The following FREM2 variants were observed in gnomAD, a reference collection of about 807,000 sequenced individuals.
FREM2 encodes the protein FRAS1-related extracellular matrix protein 2.
FREM2 carries 119 observed loss-of-function variants against 219.9 expected under a neutral mutation model. The observed-to-expected ratio is 0.54, with a 90% confidence interval of 0.47 to 0.63. The LOEUF (loss-of-function observed/expected upper bound fraction) is 0.63. FREM2 is among the 30% of genes least tolerant of loss of function. The probability of loss-of-function intolerance (pLI) is 0.00; values close to 1 mark genes in which losing one functional copy is unlikely to be tolerated. For synonymous variants in FREM2, 1,562 were observed against 1,522.8 expected (o/e 1.03, Z -0.60); for missense variants, 4,030 against 3,993.6 (o/e 1.01, Z -0.25).
chr13:38,796,209 A>G (rs1188169223), intron 6 of FREM2, among the ~76,000 whole-genome samples: 7 of 152,110 alleles, frequency 4.6e-5, no homozygotes, highest in Non-Finnish European at 1.5e-5. Flanking sequence ...GGAGCTGGAT[A>G]TAGGATACCC....
Position 38,878,404 on chromosome 13 carries a change from G to A in FREM2, c.8859+83G>A, listed in dbSNP as rs891618449. The A allele has an allele frequency of 4.4e-4, 317 of 712,460 alleles. 22 individuals carry two copies. The highest frequency in any genetic ancestry group is 2.1e-3 in the Middle Eastern group (6 of 2,818). The allele number at this position is 712,460 out of a possible 1,614,324, so 44.1% of individuals were successfully genotyped here. A position where few individuals can be genotyped will look rare whatever the true frequency, so the allele number is the denominator to read the frequency against. ...GTCTTATATTTAAAAACAAGGCTGGGCACAGTGGCCACACTATAGTCCCAG... is the reference window on the plus strand; with the variant it reads ...GTCTTATATTTAAAAACAAGGCTGGACACAGTGGCCACACTATAGTCCCAG... On this transcript the variant is annotated intron_variant, in intron 22 of 23. Transcript: ENST00000280481.
At chr13:38,788,299 A>T (rs1236096197) in intron 6 of FREM2, among the ~76,000 whole-genome samples, 1 of 152,144 alleles carries the variant, frequency 6.6e-6, no homozygotes, top group African/African-American at 2.4e-5. Context: ...CTTAATCTTC[A>T]CCCTGAGAGT....
At position 38,754,885 on chromosome 13, in the gene FREM2, TGA is replaced by T. The variant is rs1491403548; in HGVS notation, c.5264-9418_5264-9417del. The stretch of plus-strand genomic sequence containing the variant: ...ATGATGATGATGATGATGATGATGA[TGA>T]TGATGATGATGATGATTATTATTAT... On this transcript the variant is annotated intron_variant, in intron 2 of 23. Coordinates refer to ENST00000280481, the MANE Select transcript of FREM2 (RefSeq NM_207361.6). Among the ~76,000 whole-genome samples, 820 of 100,456 alleles carry T rather than the reference TGA, an allele frequency of 8.2e-3. 12 individuals carry two copies. The highest frequency in any genetic ancestry group is 0.026 in the African/African-American group (732 of 28,442). 65.9% of individuals were successfully genotyped at this position (100,456 alleles called of 152,430 possible). A position where few individuals can be genotyped will look rare whatever the true frequency, so the allele number is the denominator to read the frequency against.
At chr13:38,703,975 T>G (rs932504993) in intron 2 of FREM2, among the ~76,000 whole-genome samples, 2 of 152,188 alleles carry the variant, frequency 1.3e-5, no homozygotes, top group Non-Finnish European at 2.9e-5. Context: ...GTTAATAATT[T>G]GATAGTATCT....
intron 16 of FREM2, among the ~76,000 whole-genome samples, chr13:38,872,119 C>G (rs552122184): frequency 6.6e-6 from 1 of 152,066 alleles, no homozygotes; most frequent in Non-Finnish European, 1.5e-5. Flanking sequence ...AATTCATTAA[C>G]AGGGGAATTA....
At position 38,864,622 on chromosome 13, in the gene FREM2, A is replaced by T. The variant is rs373742782; in HGVS notation, c.7983+16A>T. 1.6e-4 allele frequency: 258 copies of T among 1,608,466 alleles called. No homozygotes were observed. The highest frequency in any genetic ancestry group is 1.5e-4 in the Non-Finnish European group (175 of 1,174,974). ...AGATGGACAGGTACAGATTTATAAC[A>T]TCTGAGTTTGGTCACTGGATAAACC... is the stretch of plus-strand genomic sequence containing the variant. On this transcript the variant is annotated intron_variant, in intron 16 of 23. Transcript: ENST00000280481.
chr13:38,872,994 C>T (rs1878216548), intron 17 of FREM2, 60 bp downstream of exon 17: 27 of 1,507,514 alleles, frequency 1.8e-5, no homozygotes, highest in Middle Eastern at 2.3e-4. Context: ...CTATTTAAGA[C>T]GATTTTTTTT....
chr13:38,688,406 G>A lies in FREM2; in HGVS notation c.1062G>A (p.Leu354=). Residue 354 remains leucine, a synonymous_variant, in exon 1 of 24, where the codon CTG becomes CTA. Transcript: ENST00000280481. Reference sequence around the variant, plus strand: ...AGGATGCTGAGTCTCCCTCTGACCTGTTGATCTTCAACCTTACTTCTCCAT... The same window carrying A: ...AGGATGCTGAGTCTCCCTCTGACCTATTGATCTTCAACCTTACTTCTCCAT... ...AAEDAESPSD[L]LIFNLTSPFQ... is the part of the protein sequence containing the mutation. The A allele has an allele frequency of 6.2e-7, 1 of 1,613,894 alleles. No homozygotes were observed. Among genetic ancestry groups the A allele is most frequent in the Non-Finnish European group, 8.5e-7 (1 of 1,179,848 alleles).
chr13:38,806,557 A>ACCTT (rs1217099670), intron 6 of FREM2, among the ~76,000 whole-genome samples: 5 of 151,978 alleles, frequency 3.3e-5, no homozygotes, highest in African/African-American at 1.2e-4. Flanking sequence ...ATTGTGTCTA[A>ACCTT]AAATGTACAT....
At chr13:38,825,031 A>C (rs535321507) in intron 6 of FREM2, among the ~76,000 whole-genome samples, 5 of 152,180 alleles carry the variant, frequency 3.3e-5, no homozygotes, top group African/African-American at 1.2e-4. Context: ...TAATTTTCTC[A>C]CTGATATAAT....
chr13:38,871,130 T>A (rs1036350866), intron 16 of FREM2, among the ~76,000 whole-genome samples: 3 of 152,302 alleles, frequency 2.0e-5, no homozygotes, highest in Admixed American at 1.3e-4. Flanking sequence ...CTGGCCAGGC[T>A]AGCAGGTAAG....
chr13:38,764,261 T>G (rs771430720), intron 2 of FREM2, 43 bp from the exon 3 acceptor site: 33 of 1,441,232 alleles, frequency 2.3e-5, no homozygotes, highest in Non-Finnish European at 3.1e-5. Flanking sequence ...GATCACTCAT[T>G]CAAGAAAGCA....
chr13:38,738,561 A>G, intron 2 of FREM2, among the ~76,000 whole-genome samples: 1 of 76,060 alleles, frequency 1.3e-5, no homozygotes, highest in South Asian at 6.6e-4. Flanking sequence ...GTGAGACTCC[A>G]TCTCAAAAAA....
At position 38,688,962 on chromosome 13, in the gene FREM2, G is replaced by T; in HGVS notation, c.1618G>T (p.Gly540Ter). Reference protein sequence around the residue: ...DNLVLRMVDGGGRHQVQFLFP... With the variant: ...DNLVLRMVDG ...CCTGGTGCTTCGCATGGTGGATGGA[G>T]GAGGCAGGCACCAGGTACAGTTTCT... Residue 540 changes from glycine (G) to a stop codon, truncating the protein, a stop_gained, in exon 1 of 24, where the codon GGA (glycine) becomes TGA (stop). Transcript: ENST00000280481. LOFTEE classifies it high-confidence loss of function. The T allele has an allele frequency of 6.2e-7, 1 of 1,613,488 alleles. No homozygotes were observed. Among genetic ancestry groups the T allele is most frequent in the Non-Finnish European group, 8.5e-7 (1 of 1,179,702 alleles).
chr13:38,857,811 G>A (rs1487706867), intron 12 of FREM2, 64 bp from the exon 13 acceptor site: 1 of 1,368,842 alleles, frequency 7.3e-7, no homozygotes, highest in Non-Finnish European at 1.0e-6. Context: ...GTATTGTTCT[G>A]TGTGGTAGAA....
intron 14 of FREM2, among the ~76,000 whole-genome samples, chr13:38,860,825 GA>G (rs1397167495): frequency 1.3e-5 from 2 of 152,164 alleles, no homozygotes; most frequent in Non-Finnish European, 2.9e-5. Flanking sequence ...ATATGAGACA[GA>G]AAGAGATGAA....
rs12583080 is a variant in FREM2, at chr13:38,838,287, C to T, written c.6020-8286C>T. ...TTCTTTAAGAATGTTGAATATTGGC[C>T]CCCACTCTCTTCTGGCTTGTAGCAT... On this transcript the variant is annotated intron_variant, in intron 6 of 23. Transcript: ENST00000280481. Among the ~76,000 whole-genome samples the T allele has an allele frequency of 7.2e-5, 11 of 152,170 alleles. No individual in the cohort carries two copies. In the East Asian group the frequency reaches 2.1e-3, roughly 29 times the overall value.
chr13:38,822,910 A>G (rs1876123780), intron 6 of FREM2, among the ~76,000 whole-genome samples: 1 of 152,098 alleles, frequency 6.6e-6, no homozygotes. Flanking sequence ...AGACACAATG[A>G]TTTTGTCATG....
intron 5 of FREM2, among the ~76,000 whole-genome samples, chr13:38,783,471 TATAAAA>T (rs1166210202): frequency 6.5e-5 from 2 of 30,996 alleles, no homozygotes; most frequent in African/African-American, 1.2e-4. Flanking sequence ...TGGGTTACTA[TATAAAA>T]AAAAAAAAAA....
Sources: gnomAD v4.1 joint callset for allele counts (sites outside exome capture counted in the v4.1 genomes callset) on GRCh38, gnomAD v4.1.1 for gene constraint, MANE v1.5 for transcripts, NCBI Gene and HGNC (gene_info 2026-07-23, HGNC 2026-07-21) for gene names.